Variants in EFNA5 observed in about 807,000 individuals in gnomAD.
EFNA5 encodes the protein ephrin A5, also known as ephrin-A5.
EFNA5 carries 5 observed loss-of-function variants against 22.9 expected under a neutral mutation model. That is an observed-to-expected ratio of 0.22 (90% CI 0.11 to 0.46). The LOEUF is 0.46. Among genes scored for constraint, EFNA5 ranks in the 20% least tolerant of loss-of-function variants. The pLI is 0.99. For synonymous variants in EFNA5, 113 were observed against 112.2 expected (o/e 1.01, Z -0.04); for missense variants, 237 against 293.3 (o/e 0.81, Z 1.40).
intron 1 of EFNA5, among the ~76,000 whole-genome samples, chr5:107,428,511 C>T (rs572478780): frequency 3.3e-5 from 5 of 152,218 alleles, no homozygotes; most frequent in Non-Finnish European, 4.4e-5. Context: ...CCCCATCAGT[C>T]GAACAGTATT....
At chr5:107,529,651 C>G (rs1009185522) in intron 1 of EFNA5, among the ~76,000 whole-genome samples, 3 of 152,092 alleles carry the variant, frequency 2.0e-5, no homozygotes, top group African/African-American at 7.2e-5. Flanking sequence ...ATCAAGTGAC[C>G]ACTTTTGTTT....
intron 1 of EFNA5, among the ~76,000 whole-genome samples, chr5:107,602,055 G>C (rs529199107): frequency 1.3e-5 from 2 of 152,290 alleles, no homozygotes; most frequent in African/African-American, 4.8e-5. Flanking sequence ...TAACGCTGGT[G>C]AATCTCGGGA....
chr5:107,623,456 C>A (rs908868973), intron 1 of EFNA5, among the ~76,000 whole-genome samples: 19 of 152,130 alleles, frequency 1.2e-4, no homozygotes, highest in African/African-American at 4.3e-4. Context: ...TAGAAAAACT[C>A]TTTCTTTCCT....
chr5:107,491,579 G>A (rs1209241104), intron 1 of EFNA5, among the ~76,000 whole-genome samples: 2 of 152,146 alleles, frequency 1.3e-5, no homozygotes, highest in South Asian at 2.1e-4. Context: ...CCAAAGTGCT[G>A]GGATTACAGG....
At chr5:107,634,388 G>A (rs1464838793) in intron 1 of EFNA5, among the ~76,000 whole-genome samples, 7 of 152,140 alleles carry the variant, frequency 4.6e-5, no homozygotes, top group Non-Finnish European at 1.0e-4. Flanking sequence ...ATGGTGGTAT[G>A]CATCTGTGGT....
chr5:107,456,141 T>C (rs1749694669), intron 1 of EFNA5, among the ~76,000 whole-genome samples: 1 of 152,156 alleles, frequency 6.6e-6, no homozygotes, highest in Admixed American at 6.6e-5. Context: ...TGGAGAGGGC[T>C]AATTAAGAGC....
At chr5:107,552,551 A>G (rs1033598388) in intron 1 of EFNA5, among the ~76,000 whole-genome samples, 2 of 152,206 alleles carry the variant, frequency 1.3e-5, no homozygotes, top group East Asian at 1.9e-4. Flanking sequence ...TTACCATTCC[A>G]TTAGTGAACA....
intron 1 of EFNA5, among the ~76,000 whole-genome samples, chr5:107,467,639 C>T (rs538220168): frequency 5.3e-5 from 8 of 152,238 alleles, no homozygotes; most frequent in Middle Eastern, 3.4e-3. Flanking sequence ...GTGAGAAATC[C>T]GGTCTCACAG....
chr5:107,454,604 T>C (rs1342530499), intron 1 of EFNA5, among the ~76,000 whole-genome samples: 1 of 152,156 alleles, frequency 6.6e-6, no homozygotes, highest in Non-Finnish European at 1.5e-5. Context: ...TTCCTGAAGT[T>C]ATTAAGCTCT....
intron 1 of EFNA5, among the ~76,000 whole-genome samples, chr5:107,523,705 T>A (rs1392288131): frequency 6.6e-6 from 1 of 152,238 alleles, no homozygotes; most frequent in East Asian, 1.9e-4. Flanking sequence ...TGCACTTATC[T>A]GTCATCCCTT....
At chr5:107,413,078 A>C (rs2112404384) in intron 2 of EFNA5, among the ~76,000 whole-genome samples, 1 of 152,306 alleles carries the variant, frequency 6.6e-6, no homozygotes, top group Admixed American at 6.5e-5. Flanking sequence ...CTAGCACTTC[A>C]ACTCATTTAC....
At position 107,569,471 on chromosome 5, in the gene EFNA5, A is replaced by ATG. The variant is rs1336635418; in HGVS notation, c.125+101017_125+101018insCA. ...TATGTGTGTGTATATATATTTATAT[A>ATG]TATGTGTATATATATTTATATATAT... On this transcript the variant is annotated intron_variant, in intron 1 of 4. Coordinates refer to ENST00000333274, the MANE Select transcript of EFNA5 (RefSeq NM_001962.3). Among the ~76,000 whole-genome samples the ATG allele has an allele frequency of 3.6e-3, 487 of 135,766 alleles. 2 individuals carry two copies. Among genetic ancestry groups the ATG allele is most frequent in the African/African-American group, 0.011 (362 of 33,880 alleles). 89.1% of individuals were successfully genotyped at this position (135,766 alleles called of 152,430 possible).
intron 1 of EFNA5, among the ~76,000 whole-genome samples, chr5:107,510,356 C>G (rs1747344570): frequency 6.6e-6 from 1 of 152,200 alleles, no homozygotes; most frequent in Admixed American, 6.5e-5. Flanking sequence ...TCCCAGAAAA[C>G]TCATAAATAA....
chr5:107,435,406 C>T (rs1218549208), intron 1 of EFNA5, among the ~76,000 whole-genome samples: 6 of 145,756 alleles, frequency 4.1e-5, no homozygotes, highest in African/African-American at 1.6e-4. Context: ...ATAATACTAG[C>T]ATCACTAAGG....
intron 2 of EFNA5, among the ~76,000 whole-genome samples, chr5:107,402,163 G>A (rs1748103386): frequency 6.6e-6 from 1 of 152,136 alleles, no homozygotes; most frequent in Non-Finnish European, 1.5e-5. Context: ...AGGAGGAGGA[G>A]GAAGACTGTA....
intron 4 of EFNA5, among the ~76,000 whole-genome samples, chr5:107,385,061 C>T (rs578211304): frequency 1.7e-4 from 26 of 152,136 alleles, no homozygotes; most frequent in African/African-American, 4.6e-4. Flanking sequence ...TGTACACCTA[C>T]GCTCTACTCC....
At chr5:107,508,241 T>G (rs944829109) in intron 1 of EFNA5, among the ~76,000 whole-genome samples, 1 of 152,174 alleles carries the variant, frequency 6.6e-6, no homozygotes, top group African/African-American at 2.4e-5. Context: ...GATGGCTTCT[T>G]GGAACAGAAC....
chr5:107,590,395 A>AT (rs34410566), intron 1 of EFNA5, among the ~76,000 whole-genome samples: 133 of 144,958 alleles, frequency 9.2e-4, no homozygotes, highest in Middle Eastern at 3.5e-3. Flanking sequence ...TATAGACATA[A>AT]TTTTTTTTTT....
At chr5:107,626,898 G>A (rs1048661015) in intron 1 of EFNA5, among the ~76,000 whole-genome samples, 1 of 152,102 alleles carries the variant, frequency 6.6e-6, no homozygotes, top group African/African-American at 2.4e-5. Flanking sequence ...GACCACCCCA[G>A]ACCATTCCTC....
Sources: allele counts gnomAD v4.1 joint callset (sites outside exome capture counted in the v4.1 genomes callset), GRCh38; gene constraint gnomAD v4.1.1; transcripts MANE v1.5; gene names NCBI Gene and HGNC (gene_info 2026-07-23, HGNC 2026-07-21).